TMEM50B: variants seen among roughly 807,000 people sequenced by gnomAD.
TMEM50B encodes the protein HCV p7-trans-regulated protein 3.
Under a neutral mutation model 23.4 loss-of-function variants are expected in TMEM50B, and 14 were observed. The ratio of observed to expected loss-of-function variants is 0.60; its 90% CI spans 0.39 to 0.93. The LOEUF (loss-of-function observed/expected upper bound fraction) is 0.93, where lower values mean the gene tolerates loss of function less well. Ranked by LOEUF, TMEM50B falls within the 40% of genes least tolerant of loss-of-function variation. The pLI is 0.00. For synonymous variants in TMEM50B, 64 were observed against 62.3 expected (o/e 1.03, Z -0.13); for missense variants, 159 against 193.0 (o/e 0.82, Z 1.04).
chr21:33,446,740 G>T (rs1165983262), downstream of TMEM50B, among the ~76,000 whole-genome samples: 1 of 150,858 alleles, frequency 6.6e-6, no homozygotes, highest in Non-Finnish European at 1.5e-5. Context: ...CTAGTGTGGT[G>T]ATTTGCACCT....
At chr21:33,470,418 G>C (rs13047270) in intron 1 of TMEM50B, among the ~76,000 whole-genome samples, 49,757 of 117,208 alleles carry the variant, frequency 0.42, 11,798 homozygotes, top group Non-Finnish European at 0.54. Flanking sequence ...AAGCGAGACT[G>C]TGTCTCAAAA....
chr21:33,469,466 A>C (rs2084293212), intron 1 of TMEM50B: 1 of 152,276 alleles, frequency 6.6e-6, no homozygotes, highest in African/African-American at 2.4e-5. Context: ...TAAATAAATG[A>C]AATAAATTAA....
intron 1 of TMEM50B, among the ~76,000 whole-genome samples, chr21:33,475,659 A>G (rs984088097): frequency 5.9e-5 from 9 of 151,334 alleles, no homozygotes; most frequent in Non-Finnish European, 1.3e-4. Context: ...AATTACTTTT[A>G]AAAAAGAACA....
intron 8 of TMEM50B, among the ~76,000 whole-genome samples, chr21:33,439,010 G>T (rs1329938225): frequency 1.3e-5 from 2 of 152,130 alleles, no homozygotes; most frequent in Non-Finnish European, 2.9e-5. Flanking sequence ...TCACAGGCGT[G>T]AGCCACCGTG....
At chr21:33,440,015 C>T (rs990151696) in intron 7 of TMEM50B, among the ~76,000 whole-genome samples, 3 of 152,104 alleles carry the variant, frequency 2.0e-5, no homozygotes, top group Middle Eastern at 3.4e-3. Flanking sequence ...CTCTGCACTC[C>T]AGCCTGGGCA....
intron 8 of TMEM50B, among the ~76,000 whole-genome samples, chr21:33,435,698 C>A (rs953099615): frequency 1.3e-5 from 2 of 151,650 alleles, no homozygotes; most frequent in African/African-American, 4.8e-5. Context: ...TCCTGGCCAA[C>A]AGGGTGAAAC....
intron 1 of TMEM50B, chr21:33,469,507 T>C (rs2084293490): frequency 6.6e-6 from 1 of 152,234 alleles, no homozygotes; most frequent in African/African-American, 2.4e-5. Context: ...ACTTCTTCCA[T>C]TGAGAGGTAG....
intron 1 of TMEM50B, among the ~76,000 whole-genome samples, chr21:33,470,220 C>T (rs1386128804): frequency 6.6e-6 from 1 of 151,952 alleles, no homozygotes; most frequent in African/African-American, 2.4e-5. Flanking sequence ...GCCTATAATC[C>T]CAGCACTTCA....
intron 1 of TMEM50B, among the ~76,000 whole-genome samples, chr21:33,471,326 A>G (rs1299271724): frequency 6.8e-6 from 1 of 147,906 alleles, no homozygotes; most frequent in Non-Finnish European, 1.5e-5. Context: ...GACTCATATT[A>G]TTCACAACGT....
intron 8 of TMEM50B, among the ~76,000 whole-genome samples, chr21:33,433,724 G>A (rs1472542139): frequency 4.6e-5 from 7 of 152,222 alleles, no homozygotes; most frequent in Middle Eastern, 3.4e-3. Context: ...TGGCACTACC[G>A]AACTGTACAC....
intron 5 of TMEM50B, among the ~76,000 whole-genome samples, chr21:33,457,221 T>C (rs909276327): frequency 6.6e-6 from 1 of 151,640 alleles, no homozygotes; most frequent in African/African-American, 2.4e-5. Context: ...ACCACTGCAC[T>C]CTAGCCTGGA....
At chr21:33,440,363 G>A (rs148999393) in intron 7 of TMEM50B, among the ~76,000 whole-genome samples, 226 of 152,198 alleles carry the variant, frequency 1.5e-3, no homozygotes, top group African/African-American at 5.0e-3. Context: ...TGAGGTGGGC[G>A]GATCATTTGA....
At chr21:33,468,139 G>T (rs773319572) in intron 2 of TMEM50B, among the ~76,000 whole-genome samples, 1 of 139,706 alleles carries the variant, frequency 7.2e-6, no homozygotes, top group Admixed American at 7.0e-5. Context: ...TGATTTTGGG[G>T]TGTTTTTTTT....
At chr21:33,472,647 C>T (rs1002000364) in intron 1 of TMEM50B, among the ~76,000 whole-genome samples, 2 of 151,824 alleles carry the variant, frequency 1.3e-5, no homozygotes, top group Admixed American at 6.6e-5. Flanking sequence ...GAGGCTGAGG[C>T]GGGTGGATCA....
chr21:33,438,166 C>T (rs894555922), intron 8 of TMEM50B, among the ~76,000 whole-genome samples: 4 of 152,186 alleles, frequency 2.6e-5, no homozygotes, highest in Non-Finnish European at 1.5e-5. Flanking sequence ...CACCCGTAGT[C>T]CCAGCTACTC....
At chr21:33,468,643 T>A (rs950955181) in intron 2 of TMEM50B, 144 bp downstream of exon 2, 4 of 613,392 alleles carry the variant, frequency 6.5e-6, no homozygotes, top group Non-Finnish European at 1.1e-5. Flanking sequence ...TTGGCAATAG[T>A]ATCTAGAACT....
chr21:33,436,719 CA>C (rs1039163174), intron 8 of TMEM50B: 2,523 of 779,566 alleles, frequency 3.2e-3, no homozygotes, highest in Middle Eastern at 5.6e-3. Flanking sequence ...GACTCCATCT[CA>C]AAAAAAAAAT....
intron 8 of TMEM50B, chr21:33,432,864 T>C (rs762332617): frequency 4.3e-6 from 7 of 1,612,052 alleles, no homozygotes; most frequent in East Asian, 2.2e-5. Flanking sequence ...CCATTACAGA[T>C]AGAAGAGGTA....
At chr21:33,477,335 T>C (rs962234841) in intron 1 of TMEM50B, among the ~76,000 whole-genome samples, 2 of 151,914 alleles carry the variant, frequency 1.3e-5, no homozygotes, top group Admixed American at 6.6e-5. Flanking sequence ...CTCCACGTGC[T>C]TATGAAGGAA....
Sources: gnomAD v4.1 joint callset for allele counts (sites outside exome capture counted in the v4.1 genomes callset) on GRCh38, gnomAD v4.1.1 for gene constraint, MANE v1.5 for transcripts, NCBI Gene and HGNC (gene_info 2026-07-23, HGNC 2026-07-21) for gene names.